SNX29: variants seen among roughly 807,000 people sequenced by gnomAD.
SNX29 encodes the protein sorting nexin-29.
A neutral mutation model predicts 102.1 loss-of-function variants in SNX29; 78 were observed. The observed-to-expected ratio is 0.76, with a 90% CI of 0.64 to 0.92. The LOEUF is 0.92. SNX29 is among the 40% of genes least tolerant of loss of function. The pLI is 0.00. For missense variants in SNX29, 1,280 were observed against 1,061.7 expected (o/e 1.21, Z -2.86); for synonymous variants, 580 against 414.5 (o/e 1.40, Z -4.85).
intron 19 of SNX29, among the ~76,000 whole-genome samples, chr16:12,497,716 C>G (rs959232855): frequency 1.6e-4 from 24 of 152,166 alleles, no homozygotes; most frequent in African/African-American, 5.6e-4. Flanking sequence ...TCTTAGGCAG[C>G]CACCTCTCTC....
chr16:12,254,165 G>T (rs2078501491), intron 14 of SNX29, among the ~76,000 whole-genome samples: 1 of 152,178 alleles, frequency 6.6e-6, no homozygotes, highest in Non-Finnish European at 1.5e-5. Flanking sequence ...TCTACGGAGA[G>T]ACAGAAGGAA....
At chr16:12,558,640 C>T (rs1598034440) in intron 20 of SNX29, among the ~76,000 whole-genome samples, 1 of 152,234 alleles carries the variant, frequency 6.6e-6, no homozygotes. Flanking sequence ...TTAAAAGAAA[C>T]CTATTCTCCA....
intron 16 of SNX29, among the ~76,000 whole-genome samples, chr16:12,390,830 G>A (rs11641000): frequency 0.15 from 22,984 of 150,874 alleles, 1,922 homozygotes; most frequent in Middle Eastern, 0.23. Context: ...TCTCGGCCAC[G>A]CAGCTGAGTC....
Position 12,532,186 on chromosome 16 carries a change from A to T in SNX29, c.2318+7345A>T, listed in dbSNP as rs918506159. On this transcript the variant is annotated intron_variant, in intron 20 of 20. Transcript: ENST00000566228. ...TGGCTCTGTCTACTGCAAACAATGA[A>T]TCATTCTTGCAAATAAATACTAATA... Among the ~76,000 whole-genome samples the T allele has an allele frequency of 5.9e-5, 9 of 152,352 alleles. No homozygotes were observed. The South Asian group carries it at 1.9e-3, about 32-fold the overall frequency.
chr16:12,261,885 C>T (rs1412198014), intron 14 of SNX29, among the ~76,000 whole-genome samples: 30 of 144,778 alleles, frequency 2.1e-4, no homozygotes, highest in Non-Finnish European at 3.9e-4. Context: ...GTTTGCTGAG[C>T]TCGGGTCTGT....
intron 14 of SNX29, among the ~76,000 whole-genome samples, chr16:12,238,577 G>C (rs892279545): frequency 1.3e-5 from 2 of 152,216 alleles, no homozygotes; most frequent in African/African-American, 4.8e-5. Flanking sequence ...GCCCGCCTTG[G>C]CCTCCCAGAA....
chr16:12,476,351 CAAAAAAAAAAAAAAAAA>C (rs150729550), intron 18 of SNX29, among the ~76,000 whole-genome samples: 2 of 9,050 alleles, frequency 2.2e-4, no homozygotes, highest in Non-Finnish European at 4.3e-4. Context: ...CGACATTTCT[CAAAAAAAAAAAAAAAAA>C]AAAAAAAAAA....
intron 1 of SNX29, among the ~76,000 whole-genome samples, chr16:11,984,540 T>C (rs2055527876): frequency 6.6e-6 from 1 of 152,118 alleles, no homozygotes; most frequent in Non-Finnish European, 1.5e-5. Flanking sequence ...CAGTCCATCA[T>C]TCATCATTTT....
Position 12,101,420 on chromosome 16 carries a change from G to T in SNX29, c.1402+22505G>T, listed in dbSNP as rs555696646. ...TTTTTTTGAGACAGAGACTCGCTCT[G>T]TTGCCCAGGCTGGAGTACAGTGGCG... On this transcript the variant is annotated intron_variant, in intron 11 of 20. Transcript: ENST00000566228. Among the ~76,000 whole-genome samples, 3 of 147,222 alleles carry T rather than the reference G, an allele frequency of 2.0e-5. No individual in the cohort carries two copies. The South Asian group carries it at 6.4e-4, about 31-fold the overall frequency.
At chr16:12,181,109 C>G (rs1338288673) in intron 13 of SNX29, among the ~76,000 whole-genome samples, 1 of 152,212 alleles carries the variant, frequency 6.6e-6, no homozygotes, top group East Asian at 1.9e-4. Flanking sequence ...TTGCGCTCAC[C>G]TGCTAGGGGA....
chr16:12,482,394 T>G (rs889731873), intron 19 of SNX29, among the ~76,000 whole-genome samples: 3 of 152,172 alleles, frequency 2.0e-5, no homozygotes, highest in African/African-American at 7.2e-5. Context: ...CTCAAACTCC[T>G]GGGTTCAAGT....
At chr16:12,291,458 C>T (rs2079791845) in intron 15 of SNX29, among the ~76,000 whole-genome samples, 1 of 152,178 alleles carries the variant, frequency 6.6e-6, no homozygotes, top group Non-Finnish European at 1.5e-5. Flanking sequence ...CTGGGTCTCT[C>T]CCACGACACG....
intron 14 of SNX29, among the ~76,000 whole-genome samples, chr16:12,258,985 G>A (rs554183288): frequency 1.3e-5 from 2 of 152,176 alleles, no homozygotes; most frequent in Admixed American, 6.5e-5. Flanking sequence ...GACAAGAGTT[G>A]TTCCATCAGC....
At chr16:12,276,819 A>G (rs1335968811) in intron 14 of SNX29, among the ~76,000 whole-genome samples, 1 of 152,126 alleles carries the variant, frequency 6.6e-6, no homozygotes, top group Non-Finnish European at 1.5e-5. Context: ...GGGCATATAC[A>G]TAATCATGGA....
intron 20 of SNX29, among the ~76,000 whole-genome samples, chr16:12,565,741 C>T (rs574761465): frequency 1.4e-4 from 22 of 152,336 alleles, no homozygotes; most frequent in East Asian, 1.2e-3. Flanking sequence ...TCCACCCCCT[C>T]CCCATGGGCC....
chr16:12,541,162 C>G (rs2077318023), intron 20 of SNX29, among the ~76,000 whole-genome samples: 1 of 152,188 alleles, frequency 6.6e-6, no homozygotes, highest in African/African-American at 2.4e-5. Context: ...ATACCCAGAC[C>G]TGGAACCTCT....
At chr16:12,055,746 C>T (rs755057043) in intron 8 of SNX29, among the ~76,000 whole-genome samples, 10 of 152,124 alleles carry the variant, frequency 6.6e-5, no homozygotes, top group Non-Finnish European at 1.2e-4. Flanking sequence ...CATTATGCAG[C>T]GTAATCTGGT....
chr16:12,307,716 C>G (rs2080384196), intron 15 of SNX29, among the ~76,000 whole-genome samples: 1 of 152,224 alleles, frequency 6.6e-6, no homozygotes, highest in Non-Finnish European at 1.5e-5. Context: ...GCCTGCCTGT[C>G]TGCACAGTGG....
chr16:12,080,670 G>A (rs1032793353), intron 11 of SNX29, among the ~76,000 whole-genome samples: 6 of 151,544 alleles, frequency 4.0e-5, no homozygotes, highest in Non-Finnish European at 7.4e-5. Flanking sequence ...ATGAGCCACC[G>A]TGCCCGGCCT....
Sources: gnomAD v4.1 joint callset for allele counts (sites outside exome capture counted in the v4.1 genomes callset) on GRCh38, gnomAD v4.1.1 for gene constraint, MANE v1.5 for transcripts, NCBI Gene and HGNC (gene_info 2026-07-23, HGNC 2026-07-21) for gene names.